TEX15: variants seen among roughly 807,000 people sequenced by gnomAD.
TEX15 encodes the protein testis expressed 15, meiosis and synapsis associated, also known as testis-expressed protein 15.
In TEX15, 171 loss-of-function variants were observed where a neutral mutation model predicts 237.3. The observed-to-expected ratio is 0.72, with a 90% CI of 0.64 to 0.82. The LOEUF (loss-of-function observed/expected upper bound fraction) is 0.82. Among genes scored for constraint, TEX15 ranks in the 40% least tolerant of loss-of-function variants. TEX15 has a pLI of 0.00. For synonymous variants in TEX15, 1,338 were observed against 1,269.8 expected (o/e 1.05, Z -1.14); for missense variants, 3,750 against 3,646.5 (o/e 1.03, Z -0.73).
chr8:30,889,675 G>A (rs1261656804), intron 2 of TEX15, among the ~76,000 whole-genome samples: 1 of 151,866 alleles, frequency 6.6e-6, no homozygotes, highest in African/African-American at 2.4e-5. Flanking sequence ...GTTGTGCTCA[G>A]CGATTTTTCA....
chr8:30,902,588 G>C (rs1163300110), intron 1 of TEX15, among the ~76,000 whole-genome samples: 1 of 152,050 alleles, frequency 6.6e-6, no homozygotes, highest in Non-Finnish European at 1.5e-5. Flanking sequence ...ATATCCACAT[G>C]GGCAATAAAA....
rs767144623 is a variant in TEX15 at position 30,848,124 on chromosome 8, T to C, written c.2043A>G (p.Lys681=). The C allele has an allele frequency of 6.2e-7, 1 of 1,609,336 alleles. No individual in the cohort carries two copies. Among genetic ancestry groups the C allele is most frequent in the Non-Finnish European group, 8.5e-7 (1 of 1,177,908 alleles). The change falls in exon 8 of 11, where the codon AAA becomes AAG. Residue 681 remains lysine, a synonymous_variant. Coordinates refer to ENST00000643185, the MANE Select transcript of TEX15 (RefSeq NM_001350162.2). Reference sequence around the variant, plus strand: ...TTTCTAACTCTTGAGTAATTAATATTTTATCACAGCTTTTCCCAAAAGAAT... The same window carrying C: ...TTTCTAACTCTTGAGTAATTAATATCTTATCACAGCTTTTCCCAAAAGAAT... ...SHNSFGKSCD[K]ILITQELEIT...
chr8:30,898,652 GAATT>G (rs1435163031), intron 2 of TEX15, 86 bp downstream of exon 2: 1 of 151,894 alleles, frequency 6.6e-6, no homozygotes, highest in African/African-American at 2.4e-5. Flanking sequence ...CTTTATTGCC[GAATT>G]ATTTATAAAT....
chr8:30,847,733 T>A lies in TEX15; in HGVS notation c.2434A>T (p.Asn812Tyr), dbSNP rs62000453. 4.1e-4 allele frequency: 657 copies of A among 1,613,810 alleles called. 6 individuals are homozygous for A. In the African/African-American group the frequency reaches 7.7e-3, roughly 19 times the overall value. Residue 812 changes from asparagine to tyrosine, a missense_variant, in exon 8 of 11, where the codon AAT (asparagine) becomes TAT (tyrosine). Transcript: ENST00000643185. ...EHICVHRKNE[N>Y]EPVSLENIQR... ...ATGTTCTCTAATGACACTGGTTCAT[T>A]TTCATTTTTCCTATGGACACATATA...
At chr8:30,860,162 G>A in intron 5 of TEX15, 105 bp from the exon 6 acceptor site, 1 of 1,052,556 alleles carries the variant, frequency 9.5e-7, no homozygotes, top group Non-Finnish European at 1.3e-6. Flanking sequence ...GTTTTTCTGA[G>A]ACAGGGTCTC....
In TEX15 at chr8:30,912,911, C is replaced by G. The variant is rs934434425; in HGVS notation, c.-118G>C. 1 of 152,324 alleles carries G rather than the reference C, an allele frequency of 6.6e-6. No homozygotes were observed. The highest frequency in any genetic ancestry group is 1.5e-5 in the Non-Finnish European group (1 of 68,134). The allele number at this position is 152,324 out of a possible 1,614,324, so 9.4% of individuals were successfully genotyped here. On this transcript the variant is annotated 5_prime_UTR_variant, in exon 1 of 11. Coordinates refer to ENST00000643185, the MANE Select transcript of TEX15 (RefSeq NM_001350162.2). ...TGTCTTCTTTGCTCAGTCAGTTCCT[C>G]AGACTCAATCTTAGCACGGTACAGA...
chr8:30,872,338 T>C (rs1452261192), intron 4 of TEX15, among the ~76,000 whole-genome samples: 1 of 152,148 alleles, frequency 6.6e-6, no homozygotes, highest in Admixed American at 6.6e-5. Flanking sequence ...CACAGTGTCA[T>C]AGCATAATGC....
intron 10 of TEX15, 60 bp downstream of exon 10, chr8:30,836,743 T>C: frequency 7.1e-7 from 1 of 1,404,398 alleles, no homozygotes; most frequent in South Asian, 1.4e-5. Context: ...TTCACTTACA[T>C]AAATGGACAC....
chr8:30,904,111 G>A lies in TEX15; in HGVS notation c.-85-5294C>T, dbSNP rs185533393. On this transcript the variant is annotated intron_variant, in intron 1 of 10. Transcript: ENST00000643185. ...AAAGATAATGACACAACTTTCAAGG[G>A]AATTAATAACTACAAGTCTTGGAAA... Among the ~76,000 whole-genome samples, 876 of 152,224 alleles carry A rather than the reference G, an allele frequency of 5.8e-3. 10 individuals are homozygous for A. The highest frequency in any genetic ancestry group is 0.02 in the African/African-American group (839 of 41,562).
At chr8:30,838,600 C>T (rs1161101750) in intron 9 of TEX15, among the ~76,000 whole-genome samples, 2 of 150,932 alleles carry the variant, frequency 1.3e-5, no homozygotes, top group African/African-American at 4.9e-5. Context: ...AAATTATTAG[C>T]TAAATTCAGA....
intron 2 of TEX15, among the ~76,000 whole-genome samples, chr8:30,894,051 A>G (rs748882097): frequency 2.0e-5 from 3 of 152,188 alleles, no homozygotes; most frequent in Admixed American, 6.5e-5. Context: ...ATCTGCTTCT[A>G]GTCCATTGAG....
intron 2 of TEX15, among the ~76,000 whole-genome samples, chr8:30,888,982 A>T (rs1808725611): frequency 6.6e-6 from 1 of 152,240 alleles, no homozygotes; most frequent in East Asian, 1.9e-4. Context: ...ATACTTGTCA[A>T]GGCTGCCATG....
At chr8:30,865,066 C>T (rs1808131678) in intron 5 of TEX15, among the ~76,000 whole-genome samples, 2 of 151,744 alleles carry the variant, frequency 1.3e-5, no homozygotes, top group Non-Finnish European at 2.9e-5. Context: ...ACAAAATATA[C>T]AAACTGTTAC....
intron 2 of TEX15, among the ~76,000 whole-genome samples, chr8:30,889,141 T>C (rs1055098653): frequency 6.6e-6 from 1 of 152,242 alleles, no homozygotes; most frequent in African/African-American, 2.4e-5. Context: ...AACAGCCAAG[T>C]GCTGGGACAA....
intron 1 of TEX15, among the ~76,000 whole-genome samples, chr8:30,908,736 ACTG>A (rs1221937183): frequency 6.6e-6 from 1 of 152,206 alleles, no homozygotes; most frequent in Non-Finnish European, 1.5e-5. Flanking sequence ...TCTCGATATT[ACTG>A]CTAACTTTGT....
chr8:30,873,807 A>C (rs1808345909), intron 4 of TEX15, among the ~76,000 whole-genome samples: 1 of 152,190 alleles, frequency 6.6e-6, no homozygotes, highest in Non-Finnish European at 1.5e-5. Context: ...AATGAGTATA[A>C]ATAACTATGG....
chr8:30,851,119 T>C (rs2128768859), intron 7 of TEX15, among the ~76,000 whole-genome samples: 1 of 151,938 alleles, frequency 6.6e-6, no homozygotes, highest in East Asian at 1.9e-4. Context: ...TCTTACTCAT[T>C]TACTACTCTG....
intron 10 of TEX15, among the ~76,000 whole-genome samples, chr8:30,836,453 C>A (rs1807302112): frequency 6.6e-6 from 1 of 151,996 alleles, no homozygotes; most frequent in Non-Finnish European, 1.5e-5. Flanking sequence ...ACCTCGTGAT[C>A]TGCCCCCCTC....
At chr8:30,901,229 A>C (rs1808999760) in intron 1 of TEX15, among the ~76,000 whole-genome samples, 2 of 152,160 alleles carry the variant, frequency 1.3e-5, no homozygotes, top group African/African-American at 4.8e-5. Flanking sequence ...AGTACCTATA[A>C]ATTTAATCTG....
Sources: allele counts gnomAD v4.1 joint callset (sites outside exome capture counted in the v4.1 genomes callset), GRCh38; gene constraint gnomAD v4.1.1; transcripts MANE v1.5; gene names NCBI Gene and HGNC (gene_info 2026-07-23, HGNC 2026-07-21).